Variants in MTMR9 observed in about 807,000 individuals in gnomAD.
MTMR9 encodes the protein myotubularin related protein 9, also known as myotubularin-related protein 9.
A neutral mutation model predicts 69.5 loss-of-function variants in MTMR9; 39 were observed. That is an observed-to-expected ratio of 0.56 (90% CI 0.43 to 0.73). The LOEUF (loss-of-function observed/expected upper bound fraction) is 0.73, where lower values mean the gene tolerates loss of function less well. MTMR9 is among the 30% of genes least tolerant of loss of function. The probability of loss-of-function intolerance (pLI) is 0.00; values close to 1 mark genes in which losing one functional copy is unlikely to be tolerated. For missense variants in MTMR9, 900 were observed against 671.2 expected, an observed-to-expected ratio of 1.34 and a Z score of -3.77; for synonymous variants, 354 against 240.8, an observed-to-expected ratio of 1.47 and a Z score of -4.35.
chr8:11,315,019 G>A lies in MTMR9; in HGVS notation c.1068G>A (p.Arg356=), dbSNP rs759796845. The A allele has an allele frequency of 1.2e-6, 2 of 1,613,952 alleles. No homozygotes were observed. The highest frequency in any genetic ancestry group is 1.1e-5 in the South Asian group (1 of 91,052). The change falls in exon 7 of 10, where the codon AGG becomes AGA. Residue 356 remains arginine (R), a synonymous_variant. Coordinates refer to ENST00000221086, the MANE Select transcript of MTMR9 (RefSeq NM_015458.4). ...LAQIILEPRS[R]TIRGFEALIE... The stretch of plus-strand genomic sequence containing the variant: ...AGATCATCTTAGAGCCAAGAAGCAG[G>A]ACCATTCGTGGTTTTGAGGCCCTGA...
intron 8 of MTMR9, chr8:11,317,483 G>T (rs139989773): frequency 6.6e-6 from 1 of 152,086 alleles, no homozygotes; most frequent in Non-Finnish European, 1.5e-5. Flanking sequence ...CCCCACATGC[G>T]CAGCTCACAG....
intron 6 of MTMR9, among the ~76,000 whole-genome samples, chr8:11,311,271 A>C (rs1185802863): frequency 2.0e-5 from 3 of 152,208 alleles, no homozygotes; most frequent in Admixed American, 6.5e-5. Context: ...AAAGAATTCA[A>C]CAGAAGACAA....
chr8:11,333,338 A>G, the MTMR9 span, among the ~76,000 whole-genome samples: 1 of 152,256 alleles, frequency 6.6e-6, no homozygotes, highest in Middle Eastern at 3.2e-3. Flanking sequence ...CCAGAAGACA[A>G]TGGGATGATA....
intron 8 of MTMR9, 99 bp from the exon 9 acceptor site, chr8:11,319,588 C>G: frequency 7.9e-7 from 1 of 1,261,132 alleles, no homozygotes. Context: ...TGTATTCTAT[C>G]TTCTTTCATA....
In MTMR9 at chr8:11,307,585, A is replaced by C. The variant is rs117918481; in HGVS notation, c.809+1178A>C. Among the ~76,000 whole-genome samples, 229 of 152,256 alleles carry C rather than the reference A, an allele frequency of 1.5e-3. 1 individual carries two copies. In the East Asian group the frequency reaches 0.031, roughly 21 times the overall value. ...CCCAGAAGTGGGATTACTGGATCTT[A>C]TTGCAGTTTCATCTTTAATGTTTTG... On this transcript the variant is annotated intron_variant, in intron 5 of 9. Transcript: ENST00000221086.
chr8:11,331,412 C>T, downstream of MTMR9: 2 of 1,613,980 alleles, frequency 1.2e-6, no homozygotes, highest in South Asian at 2.2e-5. Flanking sequence ...ACATCCGAGG[C>T]TGGGCCTGCT....
rs1799699176 is a variant in MTMR9 at position 11,300,070 on chromosome 8, C to T, written c.339C>T (p.Tyr113=). 3.1e-6 allele frequency: 5 copies of T among 1,613,470 alleles called. No individual in the cohort carries two copies. The Admixed American group carries it at 8.3e-5, about 27-fold the overall frequency. The change falls in exon 3 of 10, where the codon TAC becomes TAT. Residue 113 remains tyrosine, a synonymous_variant. Coordinates refer to ENST00000221086, the MANE Select transcript of MTMR9 (RefSeq NM_015458.4). The part of the protein sequence containing the change: ...DSITLMYPFF[Y]RPMFEVIEDG... Reference sequence around the variant, plus strand: ...TCACTCTGATGTACCCTTTCTTTTACCGTCCTATGTTTGAAGTGATAGAAG... The same window carrying T: ...TCACTCTGATGTACCCTTTCTTTTATCGTCCTATGTTTGAAGTGATAGAAG...
In MTMR9 at chr8:11,316,965, C is replaced by G. The variant is rs894075382; in HGVS notation, c.1334+72C>G. 3 of 939,846 alleles carry G rather than the reference C, an allele frequency of 3.2e-6. No individual in the cohort carries two copies. The African/African-American group carries it at 5.0e-5, about 16-fold the overall frequency. 58.2% of individuals were successfully genotyped at this position (939,846 alleles called of 1,614,324 possible). A position where few individuals can be genotyped will look rare whatever the true frequency, so the allele number is the denominator to read the frequency against. On this transcript the variant is annotated intron_variant, in intron 8 of 9. Transcript: ENST00000221086. Reference sequence around the variant, plus strand: ...GCTACTTCCTAAGTAGCCAGAATCTCCTAGGAGACGACGATTTGGATCTAT... The same window carrying G: ...GCTACTTCCTAAGTAGCCAGAATCTGCTAGGAGACGACGATTTGGATCTAT...
intron 6 of MTMR9, 133 bp from the exon 7 acceptor site, chr8:11,314,790 T>C (rs558553726): frequency 6.9e-6 from 5 of 723,130 alleles, no homozygotes; most frequent in Non-Finnish European, 1.2e-5. Flanking sequence ...GAGCAGAATG[T>C]TGTACTCAAT....
intron 5 of MTMR9, among the ~76,000 whole-genome samples, 154 bp downstream of exon 5, chr8:11,306,561 G>T (rs900871974): frequency 2.0e-5 from 3 of 151,758 alleles, no homozygotes; most frequent in Admixed American, 1.3e-4. Flanking sequence ...TTTTTGGTCA[G>T]CTCTATTAAG....
chr8:11,322,731 C>T lies in MTMR9; in HGVS notation c.1593C>T (p.Ile531=). ...AAGAATTACAAGCAAAAGTCAATATCCTTCGAAGGCAGTTGGCAGAACTGG... is the reference window on the plus strand; with the variant it reads ...AAGAATTACAAGCAAAAGTCAATATTCTTCGAAGGCAGTTGGCAGAACTGG... ...YNKELQAKVN[I]LRRQLAELET... The change falls in exon 10 of 10, where the codon ATC becomes ATT. Residue 531 remains isoleucine (I), a synonymous_variant. Coordinates refer to ENST00000221086, the MANE Select transcript of MTMR9 (RefSeq NM_015458.4). 6.2e-7 allele frequency: 1 copy of T among 1,614,058 alleles called. No homozygotes were observed. Among genetic ancestry groups the T allele is most frequent in the African/African-American group, 1.3e-5 (1 of 75,042 alleles).
chr8:11,312,203 G>T (rs1299365899), intron 6 of MTMR9, among the ~76,000 whole-genome samples: 1 of 151,750 alleles, frequency 6.6e-6, no homozygotes, highest in African/African-American at 2.4e-5. Context: ...CACCACCACG[G>T]TCACCTAATT....
rs577158236 is a variant in MTMR9, at chr8:11,285,201, A to G, written c.182+131A>G. On this transcript the variant is annotated intron_variant, in intron 1 of 9. Transcript: ENST00000221086. Reference sequence around the variant, plus strand: ...CGGCAAGATGAGCCCTCTGTGGCCTAGAATCAGGATTTACCAAGCTGAAAC... The same window carrying G: ...CGGCAAGATGAGCCCTCTGTGGCCTGGAATCAGGATTTACCAAGCTGAAAC... 1.5e-4 allele frequency: 136 copies of G among 916,738 alleles called. 2 individuals are homozygous for G. The South Asian group carries it at 2.3e-3, about 16-fold the overall frequency. 56.8% of individuals were successfully genotyped at this position (916,738 alleles called of 1,614,324 possible). A position where few individuals can be genotyped will look rare whatever the true frequency, so the allele number is the denominator to read the frequency against.
intron 5 of MTMR9, among the ~76,000 whole-genome samples, chr8:11,308,264 A>C (rs978490252): frequency 6.6e-6 from 1 of 152,126 alleles, no homozygotes; most frequent in African/African-American, 2.4e-5. Context: ...GTGCATACCC[A>C]GTTTTTCCAC....
chr8:11,331,385 C>G (rs370747876), downstream of MTMR9: 10 of 1,613,846 alleles, frequency 6.2e-6, no homozygotes, highest in Admixed American at 1.5e-4. Context: ...GTGGCGACCC[C>G]CTTCTGGGAC....
chr8:11,332,683 C>T (rs756418615), downstream of MTMR9, among the ~76,000 whole-genome samples: 32 of 152,066 alleles, frequency 2.1e-4, no homozygotes, highest in Non-Finnish European at 2.9e-4. Context: ...CTCACTGTAA[C>T]ATCCGCCTTC....
intron 1 of MTMR9, 22 bp from the exon 2 acceptor site, chr8:11,295,172 C>A: frequency 1.5e-6 from 2 of 1,320,578 alleles, no homozygotes; most frequent in Non-Finnish European, 2.2e-6. Flanking sequence ...TGTTCCTAAA[C>A]ATGATTTGCA....
chr8:11,316,202 A>G (rs1800406905), intron 7 of MTMR9: 1 of 152,340 alleles, frequency 6.6e-6, no homozygotes, highest in Admixed American at 6.5e-5. Flanking sequence ...ATCAGAGCTG[A>G]CATTATAAAG....
rs1800118856 is a variant in MTMR9 at position 11,309,759 on chromosome 8, A to C, written c.971+71A>C. 2.6e-6 allele frequency: 4 copies of C among 1,512,626 alleles called. No homozygotes were observed. In the South Asian group the frequency reaches 4.9e-5, roughly 18 times the overall value. 93.7% of individuals were successfully genotyped at this position (1,512,626 alleles called of 1,614,324 possible). On this transcript the variant is annotated intron_variant, in intron 6 of 9. Transcript: ENST00000221086. ...CTAGACTTTGTGTTTATCCAGACATATGTTTATAGATTATGTGAAAGTTTG... is the reference window on the plus strand; with the variant it reads ...CTAGACTTTGTGTTTATCCAGACATCTGTTTATAGATTATGTGAAAGTTTG...
Sources: gnomAD v4.1 joint callset for allele counts (sites outside exome capture counted in the v4.1 genomes callset) on GRCh38, gnomAD v4.1.1 for gene constraint, MANE v1.5 for transcripts, NCBI Gene and HGNC (gene_info 2026-07-23, HGNC 2026-07-21) for gene names.